Variants in TOPBP1 observed in about 807,000 individuals in gnomAD.
TOPBP1 encodes DNA topoisomerase II binding protein 1.
TOPBP1 carries 28 observed loss-of-function variants against 167.7 expected under a neutral mutation model. That is an observed-to-expected ratio of 0.17 (90% CI 0.12 to 0.23). TOPBP1 has a LOEUF of 0.23. Ranked by LOEUF, TOPBP1 falls within the 10% of genes least tolerant of loss-of-function variation. TOPBP1 has a pLI of 1.00. For missense variants in TOPBP1, 1,554 were observed against 1,809.6 expected (o/e 0.86, Z 2.56); for synonymous variants, 598 against 611.4 (o/e 0.98, Z 0.32).
intron 24 of TOPBP1, 59 bp from the exon 25 acceptor site, chr3:133,611,200 T>C: frequency 6.6e-7 from 1 of 1,508,562 alleles, no homozygotes; most frequent in Non-Finnish European, 8.9e-7. Flanking sequence ...CTGTGCAACA[T>C]ACAGGGCTCC....
rs564297545 is a variant in TOPBP1 at position 133,608,451 on chromosome 3, T to G, written c.4425+84A>C. 36 of 1,458,938 alleles carry G rather than the reference T, an allele frequency of 2.5e-5. No homozygotes were observed. The African/African-American group carries it at 4.2e-4, about 17-fold the overall frequency. 90.4% of individuals were successfully genotyped at this position (1,458,938 alleles called of 1,614,324 possible). On this transcript the variant is annotated intron_variant, in intron 27 of 27. Transcript: ENST00000260810. Reference sequence around the variant, plus strand: ...GACTAATCTTCTACTAATCATGAGCTGAAGGTTTTGTTGTGCAGTTACTTA... The same window carrying G: ...GACTAATCTTCTACTAATCATGAGCGGAAGGTTTTGTTGTGCAGTTACTTA...
chr3:133,618,563 A>C lies in TOPBP1; in HGVS notation c.3372-130T>G, dbSNP rs182590540. 5.9e-5 allele frequency: 41 copies of C among 689,420 alleles called. No individual in the cohort carries two copies. In the East Asian group the frequency reaches 9.0e-4, roughly 15 times the overall value. The allele number at this position is 689,420 out of a possible 1,614,324, so 42.7% of individuals were successfully genotyped here. A position where few individuals can be genotyped will look rare whatever the true frequency, so the allele number is the denominator to read the frequency against. ...CCATCTAGCACACAGTATGCATTAA[A>C]AATATTAAATAAATGAACCTAGGGA... On this transcript the variant is annotated intron_variant, in intron 20 of 27. Transcript: ENST00000260810.
intron 16 of TOPBP1, 82 bp from the exon 17 acceptor site, chr3:133,624,257 G>A: frequency 6.7e-7 from 1 of 1,500,956 alleles, no homozygotes; most frequent in Non-Finnish European, 9.1e-7. Flanking sequence ...ACTGTGAACA[G>A]AATATTCTGA....
chr3:133,617,527 G>GA, intron 21 of TOPBP1: 2 of 458,308 alleles, frequency 4.4e-6, no homozygotes, highest in Admixed American at 4.0e-5. Context: ...TAACAATAAA[G>GA]AAAAAATGCA....
intron 10 of TOPBP1, among the ~76,000 whole-genome samples, chr3:133,648,212 T>C (rs535880656): frequency 2.6e-5 from 4 of 152,132 alleles, no homozygotes; most frequent in Non-Finnish European, 5.9e-5. Context: ...AAAGAAACTG[T>C]CTAGAACTGT....
At position 133,644,259 on chromosome 3, in the gene TOPBP1, C is replaced by G. The variant is rs1416026884; in HGVS notation, c.1609G>C (p.Val537Leu). ...GAAACATCAGGGACACAATGACTGA[C>G]AGAAGACTGGTTTTCTTCTTGCAAA... ...ISLQEENQSS[V>L]SHCVPDVSTI... The change falls in exon 11 of 28, where the codon GTC (valine) becomes CTC (leucine). Residue 537 changes from valine to leucine, a missense_variant. Coordinates refer to ENST00000260810, the MANE Select transcript of TOPBP1 (RefSeq NM_007027.4). The G allele has an allele frequency of 6.2e-7, 1 of 1,613,662 alleles. No individual in the cohort carries two copies. The highest frequency in any genetic ancestry group is 8.5e-7 in the Non-Finnish European group (1 of 1,179,802).
At position 133,649,442 on chromosome 3, in the gene TOPBP1, T is replaced by C; in HGVS notation, c.1445A>G (p.Lys482Arg). The change falls in exon 10 of 28, where the codon AAG (lysine) becomes AGG (arginine). Residue 482 changes from lysine (K) to arginine (R), a missense_variant. Lys to Arg is a conservative substitution (Grantham distance 26). Transcript: ENST00000260810. Reference sequence around the variant, plus strand: ...CAGATCTTCATCAGCTTGCTCATGCTTTTCACTAGGAGCAAAGTCTTTCTT... The same window carrying C: ...CAGATCTTCATCAGCTTGCTCATGCCTTTCACTAGGAGCAAAGTCTTTCTT... Reference protein sequence around the residue: ...FSKKDFAPSEKHEQADEDLLS... With the variant: ...FSKKDFAPSERHEQADEDLLS... 1 of 1,613,904 alleles carries C rather than the reference T, an allele frequency of 6.2e-7. No individual in the cohort carries two copies.
rs1031965204 is a variant in TOPBP1 at position 133,640,166 on chromosome 3, G to C, written c.2026C>G (p.Gln676Glu). Residue 676 changes from glutamine to glutamate, a missense_variant, in exon 13 of 28, where the codon CAA becomes GAA. Gln to Glu is a conservative substitution (Grantham distance 29). Transcript: ENST00000260810. ...TTGGATTTGCGAACAAAGTATTCTT[G>C]AACACTGAAATTTATGTTTAAAGAA... ...FLANLLGASV[Q>E]EYFVRKSNAK... 1 of 1,611,210 alleles carries C rather than the reference G, an allele frequency of 6.2e-7. No homozygotes were observed. Among genetic ancestry groups the C allele is most frequent in the Non-Finnish European group, 8.5e-7 (1 of 1,178,546 alleles).
chr3:133,626,253 C>A (rs1264410267), intron 16 of TOPBP1, among the ~76,000 whole-genome samples: 1 of 152,158 alleles, frequency 6.6e-6, no homozygotes, highest in African/African-American at 2.4e-5. Context: ...CCCATACACC[C>A]TTGGTCTAGA....
At chr3:133,620,409 T>A in intron 19 of TOPBP1, 62 bp from the exon 20 acceptor site, 3 of 1,535,206 alleles carry the variant, frequency 2.0e-6, no homozygotes, top group Non-Finnish European at 2.6e-6. Context: ...TATCTTACAT[T>A]AACTATTTTG....
chr3:133,630,284 A>G (rs1326243734), intron 14 of TOPBP1, among the ~76,000 whole-genome samples: 1 of 148,450 alleles, frequency 6.7e-6, no homozygotes, highest in Admixed American at 6.7e-5. Flanking sequence ...ATCATTTGTC[A>G]AATTTTTGCC....
intron 27 of TOPBP1, among the ~76,000 whole-genome samples, chr3:133,603,113 C>G (rs961404956): frequency 2.6e-5 from 4 of 152,058 alleles, no homozygotes; most frequent in African/African-American, 9.7e-5. Flanking sequence ...CCAGGCTGGT[C>G]TCGAAATCCT....
Position 133,649,847 on chromosome 3 carries a change from C to T in TOPBP1, c.1186G>A (p.Val396Ile), listed in dbSNP as rs1936224442. 1 of 1,613,142 alleles carries T rather than the reference C, an allele frequency of 6.2e-7. No individual in the cohort carries two copies. Among genetic ancestry groups the T allele is most frequent in the Non-Finnish European group, 8.5e-7 (1 of 1,179,722 alleles). ...GVRFNQLNED[V>I]THVIVGDYDD... ...TAATCTCCCACAATAACATGAGTTA[C>T]ATCTTCATTTAGCTGGTTAAAACGA... is the stretch of plus-strand genomic sequence containing the variant. The change falls in exon 9 of 28, where the codon GTA becomes ATA. Residue 396 changes from valine (V) to isoleucine (I), a missense_variant. Physicochemically the swap from Val to Ile is conservative, Grantham distance 29 (BLOSUM62 3). Coordinates refer to ENST00000260810, the MANE Select transcript of TOPBP1 (RefSeq NM_007027.4).
chr3:133,660,573 G>T (rs1051114030), intron 2 of TOPBP1, among the ~76,000 whole-genome samples: 3 of 152,220 alleles, frequency 2.0e-5, no homozygotes, highest in African/African-American at 7.2e-5. Flanking sequence ...CCAAGATTCT[G>T]CATTTCGAAG....
chr3:133,624,162 C>T lies in TOPBP1; in HGVS notation c.2818G>A (p.Glu940Lys), dbSNP rs1245930567. The change falls in exon 17 of 28, where the codon GAA (glutamate) becomes AAA (lysine). Residue 940 changes from glutamate to lysine, a missense_variant. Transcript: ENST00000260810. ...LGADYRWSFD[E>K]TVTHFIYQGR... Reference sequence around the variant, plus strand: ...TGATAGATGAAATGAGTCACTGTTTCATCAAAACTCCACCTGAAATAACCA... The same window carrying T: ...TGATAGATGAAATGAGTCACTGTTTTATCAAAACTCCACCTGAAATAACCA... 5 of 1,613,290 alleles carry T rather than the reference C, an allele frequency of 3.1e-6. No homozygotes were observed. The Admixed American group carries it at 8.3e-5, about 27-fold the overall frequency.
Position 133,623,437 on chromosome 3 carries a change from A to T in TOPBP1, c.2949T>A (p.His983Gln), listed in dbSNP as rs781300204. 1 of 1,611,948 alleles carries T rather than the reference A, an allele frequency of 6.2e-7. No individual in the cohort carries two copies. The highest frequency in any genetic ancestry group is 1.1e-5 in the South Asian group (1 of 90,634). The change falls in exon 18 of 28, where the codon CAT (histidine) becomes CAA (glutamine). Residue 983 changes from histidine to glutamine, a missense_variant. Physicochemically the swap from His to Gln is conservative, Grantham distance 24. This residue lies in a region of TOPBP1 where 1,197 missense variants were observed against 1,351.5 expected (regional missense o/e 0.89). Coordinates refer to ENST00000260810, the MANE Select transcript of TOPBP1 (RefSeq NM_007027.4). ...TATGTGGATAAAGAGATTCAGGAAG[A>T]TGTTTACACTCTTGGGCACACTGCA... ...WLLDCAQECKHLPESLYPHTY... is the reference protein window; with the variant it reads ...WLLDCAQECKQLPESLYPHTY...
chr3:133,657,381 CT>C (rs11341315), intron 4 of TOPBP1, among the ~76,000 whole-genome samples: 92,551 of 130,012 alleles, frequency 0.71, 32,689 homozygotes, highest in East Asian at 0.95. Context: ...TCTTAGAATG[CT>C]TTTTTTTTTT....
At chr3:133,641,023 G>C (rs868702945) in intron 12 of TOPBP1, among the ~76,000 whole-genome samples, 32 of 152,178 alleles carry the variant, frequency 2.1e-4, no homozygotes, top group Non-Finnish European at 4.1e-4. Flanking sequence ...TGACTTCTGG[G>C]TTTTATGTTC....
rs1936372634 is a variant in TOPBP1, at chr3:133,653,534, T to C, written c.743-10A>G. 6.6e-7 allele frequency: 1 copy of C among 1,523,728 alleles called. No homozygotes were observed. Among genetic ancestry groups the C allele is most frequent in the African/African-American group, 1.4e-5 (1 of 70,302 alleles). The allele number at this position is 1,523,728 out of a possible 1,614,324, so 94.4% of individuals were successfully genotyped here. ...CACTCATACTTCTGACCTGTGGCGTTCATTAAGAAAGAAATAGAGAAAATA... is the reference window on the plus strand; with the variant it reads ...CACTCATACTTCTGACCTGTGGCGTCCATTAAGAAAGAAATAGAGAAAATA... On this transcript the variant is annotated splice_polypyrimidine_tract_variant and intron_variant, in intron 6 of 27. Coordinates refer to ENST00000260810, the MANE Select transcript of TOPBP1 (RefSeq NM_007027.4).
Sources: gnomAD v4.1 joint callset for allele counts (sites outside exome capture counted in the v4.1 genomes callset) on GRCh38, gnomAD v4.1.1 for gene constraint, gnomAD v4.1.1 regional missense constraint, MANE v1.5 for transcripts, NCBI Gene and HGNC (gene_info 2026-07-23, HGNC 2026-07-21) for gene names.